Variants in TXNDC5 observed in about 807,000 individuals in gnomAD.
The protein encoded by TXNDC5 is thioredoxin domain-containing protein 5.
A neutral mutation model predicts 52.6 loss-of-function variants in TXNDC5; 44 were observed. The ratio of observed to expected loss-of-function variants is 0.84; its 90% CI spans 0.66 to 1.08. The LOEUF (loss-of-function observed/expected upper bound fraction) is 1.08. TXNDC5 is among the 50% of genes least tolerant of loss of function. The pLI, the probability that TXNDC5 is intolerant of heterozygous loss-of-function variation, is 0.00. For missense variants in TXNDC5, 600 were observed against 565.5 expected, an observed-to-expected ratio of 1.06 and a Z score of -0.62; for synonymous variants, 241 against 234.4, an observed-to-expected ratio of 1.03 and a Z score of -0.26.
intron 2 of TXNDC5, among the ~76,000 whole-genome samples, chr6:7,901,378 C>A (rs1274100188): frequency 6.6e-6 from 1 of 152,184 alleles, no homozygotes; most frequent in Non-Finnish European, 1.5e-5. Context: ...CTCAAGACAT[C>A]AGAAAGGACC....
rs373388814 is a variant in TXNDC5 at position 7,883,107 on chromosome 6, G to A, written c.*37C>T. ...GACTGAACTCCTAAACGCAGGGTGC[G>A]GGAGCTGGGCAGGAGAGGTGACCTC... On this transcript the variant is annotated 3_prime_UTR_variant, in exon 10 of 10. Transcript: ENST00000379757. 1.3e-4 allele frequency: 212 copies of A among 1,613,408 alleles called. No individual in the cohort carries two copies. Among genetic ancestry groups the A allele is most frequent in the Admixed American group, 8.2e-4 (49 of 59,984 alleles).
chr6:7,901,769 G>A (rs1201153744), intron 2 of TXNDC5, among the ~76,000 whole-genome samples: 1 of 152,224 alleles, frequency 6.6e-6, no homozygotes, highest in Admixed American at 6.5e-5. Context: ...CCTTTTTCAA[G>A]GAGACTGCAG....
Position 7,910,711 on chromosome 6 carries a change from C to A in TXNDC5, c.66G>T (p.Leu22=), listed in dbSNP as rs754500827. 1.9e-6 allele frequency: 2 copies of A among 1,072,576 alleles called. No homozygotes were observed. The highest frequency in any genetic ancestry group is 1.7e-5 in the African/African-American group (1 of 58,506). The allele number at this position is 1,072,576 out of a possible 1,614,324, so 66.4% of individuals were successfully genotyped here. The change falls in exon 1 of 10, where the codon CTG becomes CTT. Residue 22 remains leucine (L), a synonymous_variant. Transcript: ENST00000379757. ...LARPAALTAL[L]LLLLGHGGGG... Reference sequence around the variant, plus strand: ...CGCCGCCATGGCCCAGCAGCAGCAGCAGCAGCGCAGTCAGGGCCGCCGGCC... The same window carrying A: ...CGCCGCCATGGCCCAGCAGCAGCAGAAGCAGCGCAGTCAGGGCCGCCGGCC...
intron 7 of TXNDC5, among the ~76,000 whole-genome samples, chr6:7,887,560 C>T (rs1226190963): frequency 6.6e-6 from 1 of 152,184 alleles, no homozygotes; most frequent in South Asian, 2.1e-4. Flanking sequence ...CGCCATCGCA[C>T]AGTCACGGCT....
At chr6:7,907,567 CA>C (rs1240275377) in intron 1 of TXNDC5, among the ~76,000 whole-genome samples, 1 of 152,240 alleles carries the variant, frequency 6.6e-6, no homozygotes, top group East Asian at 1.9e-4. Flanking sequence ...GTTTTTGTTA[CA>C]GGGGCCCCAG....
rs577309638 is a variant in TXNDC5 at position 7,890,335 on chromosome 6, G to A, written c.733-754C>T. On this transcript the variant is annotated intron_variant, in intron 5 of 9. Coordinates refer to ENST00000379757, the MANE Select transcript of TXNDC5 (RefSeq NM_030810.5). The stretch of plus-strand genomic sequence containing the variant: ...AATACTATTTCAACACCTAAGACCC[G>A]TCAGAGAGCAGCTAAGGTGCGGAAC... 1.6e-4 allele frequency among the ~76,000 whole-genome samples: 24 copies of A among 152,166 alleles called. 1 individual carries two copies. The highest frequency in any genetic ancestry group is 3.9e-4 in the African/African-American group (16 of 41,450).
In TXNDC5 at chr6:7,895,194, C is replaced by T. The variant is rs1037969001; in HGVS notation, c.528G>A (p.Glu176=). 6.2e-7 allele frequency: 1 copy of T among 1,612,698 alleles called. No homozygotes were observed. Among genetic ancestry groups the T allele is most frequent in the Admixed American group, 1.7e-5 (1 of 59,902 alleles). The change falls in exon 4 of 10, where the codon GAG becomes GAA. Residue 176 remains glutamate (E), a synonymous_variant. Coordinates refer to ENST00000379757, the MANE Select transcript of TXNDC5 (RefSeq NM_030810.5). ...QTLNEEPVTP[E]PEVEPPSAPE... ...GGGCACTGGGCGGTTCCACTTCCGG[C>T]TCTGGTGTCTAACAGGAGGAAATAA...
chr6:7,900,137 A>C (rs982601784), intron 2 of TXNDC5: 2 of 152,542 alleles, frequency 1.3e-5, no homozygotes, highest in Non-Finnish European at 2.9e-5. Context: ...CAAGGCCTGA[A>C]TATCCAGTTA....
rs1013430824 is a variant in TXNDC5 at position 7,910,760 on chromosome 6, C to T, written c.17G>A (p.Gly6Glu). Residue 6 changes from glycine to glutamate, a missense_variant, in exon 1 of 10, where the codon GGA becomes GAA. Transcript: ENST00000379757. ...CCGGGCCAGCAGCGGGAGGAGGCGT[C>T]CTGGGCGCGCGGGCATCGCGGCGGG... Reference protein sequence around the residue: MPARPGRLLPLLARPA... With the variant: MPARPERLLPLLARPA... 1.1e-4 allele frequency: 107 copies of T among 998,618 alleles called. No homozygotes were observed. Among genetic ancestry groups the T allele is most frequent in the Admixed American group, 4.3e-4 (7 of 16,390 alleles). The allele number at this position is 998,618 out of a possible 1,614,324, so 61.9% of individuals were successfully genotyped here. A position where few individuals can be genotyped will look rare whatever the true frequency, so the allele number is the denominator to read the frequency against.
Position 7,903,838 on chromosome 6 carries a change from G to A in TXNDC5, c.413+736C>T, listed in dbSNP as rs144837823. Among the ~76,000 whole-genome samples the A allele has an allele frequency of 1.2e-3, 180 of 152,296 alleles. 4 individuals are homozygous for A. Among genetic ancestry groups the A allele is most frequent in the Admixed American group, 0.011 (167 of 15,302 alleles). On this transcript the variant is annotated intron_variant, in intron 2 of 9. Coordinates refer to ENST00000379757, the MANE Select transcript of TXNDC5 (RefSeq NM_030810.5). Reference sequence around the variant, plus strand: ...TGGCACATGGTGTGAATGGGCATGTGTCTTGCTATAAGCTCCTGTTTCCCT... The same window carrying A: ...TGGCACATGGTGTGAATGGGCATGTATCTTGCTATAAGCTCCTGTTTCCCT...
chr6:7,889,035 G>A (rs942281783), intron 6 of TXNDC5, 187 bp from the exon 7 acceptor site: 2 of 689,566 alleles, frequency 2.9e-6, no homozygotes, highest in African/African-American at 1.9e-5. Context: ...TTTGGTGAGA[G>A]AACTGTACAG....
At chr6:7,908,655 C>G (rs2113375968) in intron 1 of TXNDC5, among the ~76,000 whole-genome samples, 1 of 152,194 alleles carries the variant, frequency 6.6e-6, no homozygotes, top group South Asian at 2.1e-4. Flanking sequence ...GACCCTGTTT[C>G]TACCAACTAC....
chr6:7,893,010 T>G lies in TXNDC5; in HGVS notation c.617-1274A>C, dbSNP rs531219176. ...GTGTGACCACGCTATAAAAATTCAT[T>G]AAGCCCTACATTTGTTTTCTCGATC... On this transcript the variant is annotated intron_variant, in intron 4 of 9. Transcript: ENST00000379757. 2.0e-5 allele frequency among the ~76,000 whole-genome samples: 3 copies of G among 152,316 alleles called. No individual in the cohort carries two copies. In the South Asian group the frequency reaches 6.2e-4, roughly 32 times the overall value.
chr6:7,901,694 A>G (rs1356722479), intron 2 of TXNDC5, among the ~76,000 whole-genome samples: 2 of 152,190 alleles, frequency 1.3e-5, no homozygotes, highest in African/African-American at 4.8e-5. Flanking sequence ...ACAGGGTACA[A>G]GCCCAAACAA....
At chr6:7,895,263 G>C (rs999645060) in intron 3 of TXNDC5, 61 bp from the exon 4 acceptor site, 4 of 1,490,828 alleles carry the variant, frequency 2.7e-6, no homozygotes, top group Non-Finnish European at 3.7e-6. Context: ...AAACCATCCA[G>C]GAGGTGACTG....
intron 1 of TXNDC5, among the ~76,000 whole-genome samples, chr6:7,909,193 A>G (rs1018786971): frequency 6.6e-6 from 1 of 152,218 alleles, no homozygotes; most frequent in African/African-American, 2.4e-5. Context: ...CCCAGTTTGA[A>G]AGGTACAATT....
At chr6:7,910,448 G>A in intron 1 of TXNDC5, 66 bp downstream of exon 1, 5 of 1,280,152 alleles carry the variant, frequency 3.9e-6, no homozygotes, top group Non-Finnish European at 5.0e-6. Context: ...CGCCCGCGGC[G>A]CCCAAGCGCC....
intron 8 of TXNDC5, 26 bp from the exon 9 acceptor site, chr6:7,884,514 G>T (rs375993199): frequency 3.1e-6 from 5 of 1,613,524 alleles, no homozygotes; most frequent in African/African-American, 2.7e-5. Flanking sequence ...TGGCAGCTTC[G>T]TTGAAATCCT....
chr6:7,889,073 A>T, intron 6 of TXNDC5: 1 of 550,128 alleles, frequency 1.8e-6, no homozygotes, highest in Non-Finnish European at 3.0e-6. Flanking sequence ...GGGGTTACAC[A>T]TCACAGAAGT....
Sources: allele counts gnomAD v4.1 joint callset (sites outside exome capture counted in the v4.1 genomes callset), GRCh38; gene constraint gnomAD v4.1.1; transcripts MANE v1.5; gene names NCBI Gene and HGNC (gene_info 2026-07-23, HGNC 2026-07-21).